Variants in ACLY observed in about 807,000 individuals in gnomAD.
ACLY encodes the protein ATP citrate lyase.
Under a neutral mutation model 133.0 loss-of-function variants are expected in ACLY, and 41 were observed. That is an observed-to-expected ratio of 0.31 (90% confidence interval 0.24 to 0.40). The LOEUF (loss-of-function observed/expected upper bound fraction) is 0.40, where lower values mean the gene tolerates loss of function less well. ACLY is among the 10% of genes least tolerant of loss of function. The pLI, the probability that ACLY is intolerant of heterozygous loss-of-function variation, is 1.00. For synonymous variants in ACLY, 495 were observed against 549.3 expected (o/e 0.90, Z 1.38); for missense variants, 1,046 against 1,453.8 (o/e 0.72, Z 4.56).
At chr17:41,910,173 C>A (rs2049856414) in intron 4 of ACLY, 49 bp downstream of exon 4, 10 of 1,578,424 alleles carry the variant, frequency 6.3e-6, no homozygotes, top group Non-Finnish European at 8.7e-6. Flanking sequence ...TGGACAAACC[C>A]AAGGTTCCAG....
chr17:41,898,573 C>T, intron 12 of ACLY, 58 bp downstream of exon 12: 1 of 1,587,810 alleles, frequency 6.3e-7, no homozygotes. Flanking sequence ...AAGACTGTAT[C>T]CTAGTGGAAA....
intron 2 of ACLY, 151 bp from the exon 3 acceptor site, chr17:41,912,693 G>A: frequency 1.0e-6 from 1 of 987,694 alleles, no homozygotes; most frequent in Non-Finnish European, 1.5e-6. Context: ...ACTCCTGGAT[G>A]CTTCCTCCAC....
intron 20 of ACLY, 119 bp downstream of exon 20, chr17:41,883,003 T>C: frequency 1.2e-6 from 1 of 825,432 alleles, no homozygotes; most frequent in Non-Finnish European, 1.9e-6. Flanking sequence ...ACCAAGCAAG[T>C]AACAAACGTT....
At chr17:41,893,956 G>A (rs1432099912) in intron 14 of ACLY, among the ~76,000 whole-genome samples, 2 of 152,192 alleles carry the variant, frequency 1.3e-5, no homozygotes, top group East Asian at 3.8e-4. Context: ...GCTCACGCCT[G>A]TAATCCCAGC....
chr17:41,909,440 C>G, intron 5 of ACLY, 70 bp downstream of exon 5: 2 of 1,535,008 alleles, frequency 1.3e-6, no homozygotes, highest in Admixed American at 1.7e-5. Context: ...CTGCTCTCCC[C>G]AGTCTGTGCC....
intron 22 of ACLY, among the ~76,000 whole-genome samples, chr17:41,875,763 G>C (rs535073765): frequency 1.3e-5 from 2 of 152,342 alleles, no homozygotes; most frequent in Non-Finnish European, 2.9e-5. Flanking sequence ...GCCCAGGCTG[G>C]AGTGCAGTGG....
intron 14 of ACLY, among the ~76,000 whole-genome samples, chr17:41,895,500 C>T (rs2049341031): frequency 6.6e-6 from 1 of 152,218 alleles, no homozygotes; most frequent in African/African-American, 2.4e-5. Context: ...GCTATGCCCC[C>T]TACACCAGGC....
chr17:41,916,706 A>T (rs2050061520), intron 1 of ACLY, among the ~76,000 whole-genome samples: 1 of 152,080 alleles, frequency 6.6e-6, no homozygotes, highest in South Asian at 2.1e-4. Context: ...TCTCTAAGGC[A>T]GTGGCTCTTA....
intron 17 of ACLY, among the ~76,000 whole-genome samples, chr17:41,887,076 A>G (rs1365216954): frequency 1.4e-5 from 2 of 144,826 alleles, no homozygotes; most frequent in Non-Finnish European, 3.0e-5. Flanking sequence ...GTGAGCCAAG[A>G]TCGTGCCACT....
chr17:41,905,108 G>T (rs2049672050), intron 9 of ACLY, among the ~76,000 whole-genome samples: 1 of 152,212 alleles, frequency 6.6e-6, no homozygotes, highest in Non-Finnish European at 1.5e-5. Flanking sequence ...AAGGAAAGAA[G>T]AACTGGTATG....
intron 7 of ACLY, 84 bp from the exon 8 acceptor site, chr17:41,906,730 TG>T (rs2049730560): frequency 8.0e-7 from 1 of 1,243,030 alleles, no homozygotes; most frequent in South Asian, 1.2e-5. Flanking sequence ...CCGCTTTCCC[TG>T]GAAGCACATG....
At position 41,886,293 on chromosome 17, in the gene ACLY, G is replaced by A. The variant is rs2041180173; in HGVS notation, c.1891C>T (p.Pro631Ser). 3 of 1,610,374 alleles carry A rather than the reference G, an allele frequency of 1.9e-6. No homozygotes were observed. In the African/African-American group the frequency reaches 4.0e-5, roughly 22 times the overall value. The change falls in exon 18 of 29, where the codon CCT becomes TCT. Residue 631 changes from proline (P) to serine (S), a missense_variant. Physicochemically the swap from Pro to Ser is moderately conservative, Grantham distance 74. Coordinates refer to ENST00000352035, the MANE Select transcript of ACLY (RefSeq NM_001096.3). ...GTGTTGCCAATCTTAAAGCACCCAG[G>A]CTTGATGCCTCCAACCTGTGGGGGC... is the stretch of plus-strand genomic sequence containing the variant. The part of the protein sequence containing the change: ...IGPATVGGIK[P>S]GCFKIGNTGG...
chr17:41,929,006 C>T (rs2050277556), intron 1 of ACLY, among the ~76,000 whole-genome samples: 1 of 152,090 alleles, frequency 6.6e-6, no homozygotes, highest in Non-Finnish European at 1.5e-5. Context: ...TAGAACAGGA[C>T]CAGTTTCACT....
At chr17:41,912,286 C>T (rs560948636) in intron 3 of ACLY, 134 bp downstream of exon 3, 322 of 1,224,534 alleles carry the variant, frequency 2.6e-4, no homozygotes, top group Middle Eastern at 8.7e-4. Flanking sequence ...AGTGGGTCAG[C>T]GCCACAGGAC....
intron 22 of ACLY, among the ~76,000 whole-genome samples, chr17:41,874,447 T>A (rs1555625646): frequency 6.6e-6 from 1 of 152,030 alleles, no homozygotes; most frequent in Non-Finnish European, 1.5e-5. Flanking sequence ...AATTTTAAAA[T>A]TTTTTTGTAG....
Position 41,912,501 on chromosome 17 carries a change from T to G in ACLY, c.201A>C (p.Gly67=). The part of the protein sequence containing the change: ...VKPDQLIKRR[G]KLGLVGVNLT... Reference sequence around the variant, plus strand: ...GGTTGACCCCAACGAGACCAAGTTTTCCACGACGTTTGATCAGCTGGTCTG... The same window carrying G: ...GGTTGACCCCAACGAGACCAAGTTTGCCACGACGTTTGATCAGCTGGTCTG... Residue 67 remains glycine, a synonymous_variant, in exon 3 of 29, where the codon GGA becomes GGC. Coordinates refer to ENST00000352035, the MANE Select transcript of ACLY (RefSeq NM_001096.3). 1 of 1,614,236 alleles carries G rather than the reference T, an allele frequency of 6.2e-7. No individual in the cohort carries two copies.
chr17:41,892,751 A>G (rs534111985), intron 15 of ACLY, among the ~76,000 whole-genome samples: 1 of 151,588 alleles, frequency 6.6e-6, no homozygotes, highest in Non-Finnish European at 1.5e-5. Context: ...ATTAGAGTTC[A>G]CTGCAGCCTC....
upstream of ACLY, among the ~76,000 whole-genome samples, chr17:41,923,483 C>T (rs78768438): frequency 2.2e-3 from 342 of 152,340 alleles, 11 homozygotes; most frequent in East Asian, 0.057. Context: ...ATCAACTAAC[C>T]TAATGATCTT....
Position 41,872,624 on chromosome 17 carries a change from C to T in ACLY, c.2643-442G>A, listed in dbSNP as rs571431627. 5.9e-5 allele frequency among the ~76,000 whole-genome samples: 9 copies of T among 152,256 alleles called. No individual in the cohort carries two copies. The East Asian group carries it at 9.7e-4, about 16-fold the overall frequency. On this transcript the variant is annotated intron_variant, in intron 23 of 28. Coordinates refer to ENST00000352035, the MANE Select transcript of ACLY (RefSeq NM_001096.3). ...ACATACAGGCATGAGCCACCGCGCC[C>T]GGCCCCAAATACTGTTTGTAAAACA...
Sources: allele counts gnomAD v4.1 joint callset (sites outside exome capture counted in the v4.1 genomes callset), GRCh38; gene constraint gnomAD v4.1.1; transcripts MANE v1.5; gene names NCBI Gene and HGNC (gene_info 2026-07-23, HGNC 2026-07-21).